Variants in TFEC observed in about 807,000 individuals in gnomAD.
TFEC encodes the protein transcription factor EC.
TFEC carries 31 observed loss-of-function variants against 41.6 expected under a neutral mutation model. The ratio of observed to expected loss-of-function variants is 0.74; its 90% CI spans 0.56 to 1.01. TFEC has a LOEUF of 1.01. Among genes scored for constraint, TFEC ranks in the 50% least tolerant of loss-of-function variants. The probability of loss-of-function intolerance (pLI) is 0.00; values close to 1 mark genes in which losing one functional copy is unlikely to be tolerated. For missense variants in TFEC, 402 were observed against 404.1 expected, an observed-to-expected ratio of 0.99 and a Z score of 0.04; for synonymous variants, 143 against 140.6, an observed-to-expected ratio of 1.02 and a Z score of -0.12.
intron 1 of TFEC, among the ~76,000 whole-genome samples, chr7:116,150,749 TA>T (rs1798744197): frequency 6.6e-6 from 1 of 152,232 alleles, no homozygotes; most frequent in East Asian, 1.9e-4. Context: ...AACTAACACT[TA>T]AAAATTCATA....
In TFEC at chr7:115,989,512, A is replaced by G. The variant is rs372513965; in HGVS notation, c.-72-4999T>C. ...TTTCCTAGCCAAGGGAAGCCATGAC[A>G]GACAGTACCTGGAAAATCAGGACAC... On this transcript the variant is annotated intron_variant, in intron 1 of 7. Coordinates refer to ENST00000265440, the MANE Select transcript of TFEC (RefSeq NM_012252.4). 2.6e-5 allele frequency among the ~76,000 whole-genome samples: 4 copies of G among 152,208 alleles called. No individual in the cohort carries two copies. In the East Asian group the frequency reaches 7.7e-4, roughly 29 times the overall value.
intron 3 of TFEC, chr7:115,968,247 T>G (rs1341684970): frequency 6.5e-7 from 1 of 1,530,532 alleles, no homozygotes; most frequent in African/African-American, 1.4e-5. Flanking sequence ...TTCTCCTTCA[T>G]CATTTTCTTT....
At chr7:116,065,826 A>G (rs1465337320) in intron 3 of TFEC, among the ~76,000 whole-genome samples, 3 of 152,136 alleles carry the variant, frequency 2.0e-5, no homozygotes, top group Non-Finnish European at 4.4e-5. Flanking sequence ...AAGAATAATG[A>G]TGCCCTATTG....
At chr7:115,949,321 A>C (rs1028007031) in intron 6 of TFEC, among the ~76,000 whole-genome samples, 6 of 152,012 alleles carry the variant, frequency 3.9e-5, no homozygotes, top group Admixed American at 2.0e-4. Flanking sequence ...GCTACCAATG[A>C]CTTTCTTCAC....
chr7:116,110,988 C>T (rs1446832165), intron 2 of TFEC: 3 of 850,078 alleles, frequency 3.5e-6, no homozygotes, highest in South Asian at 2.6e-5. Flanking sequence ...TATTTTATCA[C>T]CTGAGACTAC....
intron 3 of TFEC, among the ~76,000 whole-genome samples, chr7:116,055,846 G>C (rs1334062289): frequency 6.6e-6 from 1 of 151,998 alleles, no homozygotes; most frequent in Non-Finnish European, 1.5e-5. Flanking sequence ...TATTGTTTCT[G>C]TGTTCTTTTT....
At chr7:115,949,410 G>T (rs1402831091) in intron 6 of TFEC, among the ~76,000 whole-genome samples, 1 of 152,078 alleles carries the variant, frequency 6.6e-6, no homozygotes, top group Non-Finnish European at 1.5e-5. Flanking sequence ...TAAGCCAAAA[G>T]AACAAAGCTG....
At chr7:115,987,523 G>A (rs559257327) in intron 1 of TFEC, among the ~76,000 whole-genome samples, 1 of 152,314 alleles carries the variant, frequency 6.6e-6, no homozygotes, top group Middle Eastern at 3.4e-3. Flanking sequence ...CAGTGTTTGA[G>A]TATCAAGCAT....
chr7:116,114,195 T>C (rs1797920808), intron 1 of TFEC, among the ~76,000 whole-genome samples: 1 of 152,048 alleles, frequency 6.6e-6, no homozygotes, highest in Non-Finnish European at 1.5e-5. Context: ...AATAGTATGA[T>C]AAGCTAGAAT....
chr7:115,996,667 T>C (rs1794381262), intron 1 of TFEC, among the ~76,000 whole-genome samples: 1 of 152,012 alleles, frequency 6.6e-6, no homozygotes. Context: ...TCAGACAGCA[T>C]TGCTGGACAT....
chr7:115,968,999 G>A (rs1291961111), intron 3 of TFEC, among the ~76,000 whole-genome samples: 1 of 151,750 alleles, frequency 6.6e-6, no homozygotes, highest in Admixed American at 6.6e-5. Context: ...CCAATGCATG[G>A]TAGCTATTAT....
At position 116,055,451 on chromosome 7, in the gene TFEC, T is replaced by C. The variant is rs146261372; in HGVS notation, c.198+55257A>G. 3.1e-3 allele frequency among the ~76,000 whole-genome samples: 476 copies of C among 152,144 alleles called. 15 individuals are homozygous for C. The highest frequency in any genetic ancestry group is 0.027 in the Admixed American group (414 of 15,272). Reference sequence around the variant, plus strand: ...GAAATCTAAATAATTTCAAATGAATTAAACATACAAATATGTTCTAATATA... The same window carrying C: ...GAAATCTAAATAATTTCAAATGAATCAAACATACAAATATGTTCTAATATA... On this transcript the variant is annotated intron_variant, in intron 3 of 8. Transcript: ENST00000484212.
intron 1 of TFEC, among the ~76,000 whole-genome samples, chr7:115,986,910 A>C: frequency 1.3e-5 from 1 of 76,974 alleles, no homozygotes; most frequent in Non-Finnish European, 2.9e-5. Context: ...AAGTATAATA[A>C]GTATATATAA....
At chr7:116,069,513 A>G (rs1233579528) in intron 3 of TFEC, among the ~76,000 whole-genome samples, 1 of 151,698 alleles carries the variant, frequency 6.6e-6, no homozygotes, top group Non-Finnish European at 1.5e-5. Flanking sequence ...CCTTGCCTCC[A>G]GGTAGATGAA....
intron 3 of TFEC, among the ~76,000 whole-genome samples, chr7:116,069,612 G>A (rs1796777996): frequency 6.6e-6 from 1 of 151,642 alleles, no homozygotes; most frequent in Non-Finnish European, 1.5e-5. Context: ...GAGTTTTAAT[G>A]AGCACTGCTT....
In TFEC at chr7:115,940,762, T is replaced by A; in HGVS notation, c.833A>T (p.Gln278Leu). 1 of 1,613,478 alleles carries A rather than the reference T, an allele frequency of 6.2e-7. No homozygotes were observed. The highest frequency in any genetic ancestry group is 8.5e-7 in the Non-Finnish European group (1 of 1,179,636). The change falls in exon 8 of 8, where the codon CAA becomes CTA. Residue 278 changes from glutamine (Q) to leucine (L), a missense_variant. Gln to Leu is a moderately radical substitution (Grantham distance 113). Transcript: ENST00000265440. ...SQGPSPELCD[Q>L]AIAFSDPLSY... ...CAAAGGATCAGAAAAGGCTATAGCT[T>A]GATCACAGAGCTCAGGGCTTGGCCC...
chr7:115,970,295 G>A (rs896635236), intron 3 of TFEC, among the ~76,000 whole-genome samples: 5 of 151,958 alleles, frequency 3.3e-5, no homozygotes, highest in Non-Finnish European at 7.4e-5. Flanking sequence ...GGTGACAATG[G>A]AGAATTTGCT....
chr7:116,078,585 G>A (rs1466684832), intron 3 of TFEC, among the ~76,000 whole-genome samples: 1 of 151,966 alleles, frequency 6.6e-6, no homozygotes, highest in Non-Finnish European at 1.5e-5. Flanking sequence ...GAAACTTAGA[G>A]AAGATGGATA....
intron 6 of TFEC, among the ~76,000 whole-genome samples, chr7:115,942,788 A>G (rs563286902): frequency 6.6e-6 from 1 of 152,196 alleles, no homozygotes; most frequent in South Asian, 2.1e-4. Context: ...AATTAAAGAT[A>G]TGAAATTGTG....
Sources: allele counts gnomAD v4.1 joint callset (sites outside exome capture counted in the v4.1 genomes callset), GRCh38; gene constraint gnomAD v4.1.1; transcripts MANE v1.5; gene names NCBI Gene and HGNC (gene_info 2026-07-23, HGNC 2026-07-21).